SPOCK3: variants seen among roughly 807,000 people sequenced by gnomAD.
The protein encoded by SPOCK3 is SPARC (osteonectin), cwcv and kazal like domains proteoglycan 3, also known as testican-3.
SPOCK3 carries 30 observed loss-of-function variants against 56.6 expected under a neutral mutation model. The observed-to-expected ratio is 0.53, with a 90% CI of 0.40 to 0.72. The LOEUF is 0.72. Among genes scored for constraint, SPOCK3 ranks in the 30% least tolerant of loss-of-function variants. The pLI, the probability that SPOCK3 is intolerant of heterozygous loss-of-function variation, is 0.00. For missense variants in SPOCK3, 527 were observed against 530.0 expected (o/e 0.99, Z 0.06); for synonymous variants, 196 against 183.3 (o/e 1.07, Z -0.56).
rs187365462 is a variant in SPOCK3 at position 166,984,453 on chromosome 4, T to C, written c.350+15896A>G. ...AATCAGCTTTTGAATTAGTCAAACA[T>C]TAATACTTACTCTTTTAAGTGCTTT... On this transcript the variant is annotated intron_variant, in intron 4 of 10. Coordinates refer to ENST00000357545, the MANE Select transcript of SPOCK3 (RefSeq NM_001040159.2). Among the ~76,000 whole-genome samples, 33 of 152,244 alleles carry C rather than the reference T, an allele frequency of 2.2e-4. 1 individual carries two copies. Among genetic ancestry groups the C allele is most frequent in the Non-Finnish European group, 4.3e-4 (29 of 67,952 alleles).
intron 6 of SPOCK3, among the ~76,000 whole-genome samples, chr4:166,867,866 C>A (rs1291057402): frequency 6.6e-6 from 1 of 151,412 alleles, no homozygotes; most frequent in Non-Finnish European, 1.5e-5. Context: ...TCTTGACTGC[C>A]AACATATATA....
At chr4:167,028,091 C>A (rs1271298211) in intron 3 of SPOCK3, among the ~76,000 whole-genome samples, 1 of 151,882 alleles carries the variant, frequency 6.6e-6, no homozygotes, top group Non-Finnish European at 1.5e-5. Context: ...CCTTGTTCTT[C>A]TCATTTTAAA....
At chr4:167,205,372 A>T (rs28896929) in intron 2 of SPOCK3, among the ~76,000 whole-genome samples, 1 of 35,128 alleles carries the variant, frequency 2.8e-5, no homozygotes, top group Non-Finnish European at 4.2e-5. Context: ...TATATATTTT[A>T]TATATATAAT....
intron 2 of SPOCK3, among the ~76,000 whole-genome samples, chr4:167,215,317 C>T (rs564014071): frequency 1.6e-4 from 25 of 152,084 alleles, no homozygotes; most frequent in Admixed American, 3.9e-4. Flanking sequence ...ATTCCTTCTG[C>T]ACTCCTGGAG....
chr4:166,746,547 T>C (rs1485514530), intron 8 of SPOCK3, among the ~76,000 whole-genome samples: 6 of 151,954 alleles, frequency 3.9e-5, no homozygotes, highest in Non-Finnish European at 7.4e-5. Flanking sequence ...GATCTAAAAT[T>C]GACACCCTAA....
At chr4:167,212,589 G>A (rs1734990083) in intron 2 of SPOCK3, among the ~76,000 whole-genome samples, 1 of 152,038 alleles carries the variant, frequency 6.6e-6, no homozygotes, top group African/African-American at 2.4e-5. Flanking sequence ...CTGGACTCAA[G>A]AAAATTTTGA....
chr4:167,154,831 A>C (rs1026103863), intron 2 of SPOCK3, among the ~76,000 whole-genome samples: 3 of 152,120 alleles, frequency 2.0e-5, no homozygotes, highest in African/African-American at 7.2e-5. Flanking sequence ...CATCTCCAAA[A>C]TCGGATCACA....
At chr4:167,168,338 G>A (rs985061622) in intron 2 of SPOCK3, among the ~76,000 whole-genome samples, 4 of 152,092 alleles carry the variant, frequency 2.6e-5, no homozygotes, top group African/African-American at 9.7e-5. Context: ...GGAAAGTTTG[G>A]AACTTCCTAG....
chr4:166,950,724 T>C (rs1337862340), intron 4 of SPOCK3, among the ~76,000 whole-genome samples: 1 of 149,538 alleles, frequency 6.7e-6, no homozygotes, highest in Non-Finnish European at 1.5e-5. Flanking sequence ...ACAGAGATTA[T>C]AACAAACTAT....
intron 6 of SPOCK3, among the ~76,000 whole-genome samples, chr4:166,855,993 G>T (rs1441715797): frequency 6.6e-6 from 1 of 152,164 alleles, no homozygotes; most frequent in African/African-American, 2.4e-5. Flanking sequence ...ATGTAGGGGA[G>T]ATTATGTTAA....
At chr4:167,053,762 C>T (rs1754474215) in intron 3 of SPOCK3, among the ~76,000 whole-genome samples, 1 of 151,932 alleles carries the variant, frequency 6.6e-6, no homozygotes, top group Non-Finnish European at 1.5e-5. Context: ...AGATGTTAGG[C>T]TGCCCTTCCT....
intron 6 of SPOCK3, among the ~76,000 whole-genome samples, chr4:166,851,847 C>A (rs566738003): frequency 2.6e-5 from 4 of 151,832 alleles, no homozygotes; most frequent in Non-Finnish European, 5.9e-5. Context: ...CACATGCACA[C>A]GTATGTTTAT....
At chr4:166,777,660 C>A (rs1203993971) in intron 7 of SPOCK3, among the ~76,000 whole-genome samples, 2 of 152,014 alleles carry the variant, frequency 1.3e-5, no homozygotes, top group African/African-American at 4.8e-5. Flanking sequence ...TCACTTGAGC[C>A]CAGGAGTTTG....
At chr4:166,963,957 C>T (rs1242393173) in intron 4 of SPOCK3, among the ~76,000 whole-genome samples, 1 of 151,582 alleles carries the variant, frequency 6.6e-6, no homozygotes, top group East Asian at 1.9e-4. Context: ...TCTCAGGATG[C>T]AAAGATTAAA....
chr4:166,738,528 T>G (rs959981751), intron 9 of SPOCK3, among the ~76,000 whole-genome samples: 1 of 151,268 alleles, frequency 6.6e-6, no homozygotes, highest in African/African-American at 2.4e-5. Context: ...TGCAGGTTAG[T>G]TACATATGTA....
intron 7 of SPOCK3, among the ~76,000 whole-genome samples, chr4:166,773,901 A>G (rs1739234923): frequency 6.6e-6 from 1 of 151,338 alleles, no homozygotes; most frequent in Non-Finnish European, 1.5e-5. Flanking sequence ...ATCTAAAACC[A>G]CTCTTTTTTT....
At chr4:166,773,780 C>A (rs1739222450) in intron 7 of SPOCK3, among the ~76,000 whole-genome samples, 1 of 152,278 alleles carries the variant, frequency 6.6e-6, no homozygotes, top group South Asian at 2.1e-4. Context: ...TTGAACTTCA[C>A]ATTACATGTA....
At chr4:166,975,820 T>C (rs1745882163) in intron 4 of SPOCK3, among the ~76,000 whole-genome samples, 1 of 152,120 alleles carries the variant, frequency 6.6e-6, no homozygotes, top group Non-Finnish European at 1.5e-5. Context: ...TCCAGTACCA[T>C]CCATGTTGTT....
intron 4 of SPOCK3, among the ~76,000 whole-genome samples, chr4:166,960,941 C>A (rs967577715): frequency 1.3e-5 from 2 of 152,020 alleles, no homozygotes; most frequent in Non-Finnish European, 2.9e-5. Flanking sequence ...ATAATTAGAT[C>A]CAACAAAGCT....
Sources: gnomAD v4.1 joint callset for allele counts (sites outside exome capture counted in the v4.1 genomes callset) on GRCh38, gnomAD v4.1.1 for gene constraint, MANE v1.5 for transcripts, NCBI Gene and HGNC (gene_info 2026-07-23, HGNC 2026-07-21) for gene names.